The following PARD3B variants were observed in gnomAD, a reference collection of about 807,000 sequenced individuals.
PARD3B encodes the protein par-3 family cell polarity regulator beta, also known as partitioning defective 3 homolog B.
A neutral mutation model predicts 130.2 loss-of-function variants in PARD3B; 103 were observed. The ratio of observed to expected loss-of-function variants is 0.79; its 90% CI spans 0.67 to 0.93. The LOEUF is 0.93. PARD3B is among the 40% of genes least tolerant of loss of function. PARD3B has a pLI of 0.00. For missense variants in PARD3B, 1,609 were observed against 1,499.2 expected (o/e 1.07, Z -1.21); for synonymous variants, 583 against 553.2 (o/e 1.05, Z -0.76).
At chr2:205,419,868 A>T (rs1018868849) in intron 19 of PARD3B, among the ~76,000 whole-genome samples, 2 of 152,202 alleles carry the variant, frequency 1.3e-5, no homozygotes, top group Admixed American at 1.3e-4. Context: ...TTACAGGATG[A>T]AAACTGCAGT....
intron 1 of PARD3B, among the ~76,000 whole-genome samples, chr2:204,667,756 T>C (rs1406964997): frequency 2.6e-5 from 4 of 152,188 alleles, no homozygotes; most frequent in African/African-American, 9.6e-5. Context: ...AAGGCAGCGC[T>C]TTCATAGAAT....
intron 2 of PARD3B, among the ~76,000 whole-genome samples, chr2:204,812,782 G>A (rs928767255): frequency 2.0e-5 from 3 of 152,136 alleles, no homozygotes; most frequent in African/African-American, 7.2e-5. Flanking sequence ...TCAGCTTCAG[G>A]TGTTTTCTAT....
intron 21 of PARD3B, among the ~76,000 whole-genome samples, chr2:205,500,251 C>T (rs1461414139): frequency 6.6e-6 from 1 of 152,140 alleles, no homozygotes; most frequent in African/African-American, 2.4e-5. Flanking sequence ...TGATTGCTCT[C>T]ATACTTCCTG....
intron 20 of PARD3B, among the ~76,000 whole-genome samples, chr2:205,490,519 G>A (rs1199417366): frequency 1.3e-5 from 2 of 152,108 alleles, no homozygotes; most frequent in Non-Finnish European, 2.9e-5. Flanking sequence ...ATCATTGTTG[G>A]ACATTTGGCT....
chr2:204,660,813 AG>A (rs1408551555), intron 1 of PARD3B, among the ~76,000 whole-genome samples: 1 of 152,236 alleles, frequency 6.6e-6, no homozygotes, highest in Non-Finnish European at 1.5e-5. Flanking sequence ...TAATTCCTAA[AG>A]AAAGGTGCTA....
chr2:205,057,779 G>T (rs1377488196), intron 4 of PARD3B, among the ~76,000 whole-genome samples: 1 of 150,756 alleles, frequency 6.6e-6, no homozygotes, highest in Non-Finnish European at 1.5e-5. Context: ...ACACGTGTGT[G>T]TGTGTTTGTG....
chr2:204,748,371 C>A (rs1019228283), intron 2 of PARD3B, among the ~76,000 whole-genome samples: 4 of 152,098 alleles, frequency 2.6e-5, no homozygotes, highest in Non-Finnish European at 4.4e-5. Context: ...GATTAGGGCT[C>A]ATATCCAGAA....
At chr2:205,201,794 G>A (rs940431970) in intron 15 of PARD3B, among the ~76,000 whole-genome samples, 5 of 152,172 alleles carry the variant, frequency 3.3e-5, no homozygotes, top group Non-Finnish European at 5.9e-5. Flanking sequence ...CGGAGATCAC[G>A]CCATTGCACT....
chr2:205,615,736 C>G lies in PARD3B; in HGVS notation c.3541C>G (p.Arg1181Gly). ...AYQETGRPGPRGGSPDQYPYR... is the reference protein window; with the variant it reads ...AYQETGRPGPGGGSPDQYPYR... ...TCAGGAAACAGGCAGACCAGGGCCC[C>G]GTGGGGGCAGCCCAGACCAGTACCC... The change falls in exon 23 of 23, where the codon CGT (arginine) becomes GGT (glycine). Residue 1181 changes from arginine to glycine, a missense_variant. Coordinates refer to ENST00000406610, the MANE Select transcript of PARD3B (RefSeq NM_001302769.2). 6.2e-7 allele frequency: 1 copy of G among 1,614,100 alleles called. No homozygotes were observed. Among genetic ancestry groups the G allele is most frequent in the Non-Finnish European group, 8.5e-7 (1 of 1,179,998 alleles).
chr2:204,725,860 C>A (rs923193789), intron 2 of PARD3B, among the ~76,000 whole-genome samples: 37 of 152,156 alleles, frequency 2.4e-4, no homozygotes, highest in African/African-American at 8.7e-4. Context: ...TGATATGATT[C>A]CTACCAATGT....
chr2:205,306,959 T>A (rs972812825), intron 18 of PARD3B, among the ~76,000 whole-genome samples: 2 of 152,246 alleles, frequency 1.3e-5, no homozygotes, highest in Non-Finnish European at 2.9e-5. Flanking sequence ...GTTTTAAGTA[T>A]GTATTATTTT....
chr2:205,242,026 A>G (rs1404578824), intron 15 of PARD3B, among the ~76,000 whole-genome samples: 1 of 152,192 alleles, frequency 6.6e-6, no homozygotes, highest in East Asian at 1.9e-4. Flanking sequence ...TCCCAGCACT[A>G]AGCATGTGTA....
At chr2:205,598,422 T>A (rs967918909) in intron 22 of PARD3B, among the ~76,000 whole-genome samples, 2 of 150,746 alleles carry the variant, frequency 1.3e-5, no homozygotes, top group Admixed American at 1.3e-4. Flanking sequence ...CACTTAACTA[T>A]CTTAAATACA....
In PARD3B at chr2:205,265,909, A is replaced by G. The variant is rs986187268; in HGVS notation, c.2185+20087A>G. ...ATCATTTTAGTACTTCATCTGTGAT[A>G]TAAAACATAAATCTTGAGAGAAGGG... On this transcript the variant is annotated intron_variant, in intron 16 of 22. Transcript: ENST00000406610. This position sits in a 1 kb window ranked among gnomAD's most constrained non-coding sequence, Gnocchi z 4.3. 6.6e-6 allele frequency among the ~76,000 whole-genome samples: 1 copy of G among 152,074 alleles called. No homozygotes were observed. The highest frequency in any genetic ancestry group is 1.5e-5 in the Non-Finnish European group (1 of 67,944).
At chr2:204,659,519 G>T (rs1260861233) in intron 1 of PARD3B, among the ~76,000 whole-genome samples, 1 of 152,108 alleles carries the variant, frequency 6.6e-6, no homozygotes, top group African/African-American at 2.4e-5. Context: ...TGTGAGTTGT[G>T]TATATAGCAT....
rs1230848410 is a variant in PARD3B, at chr2:204,546,005, A to C, written c.6A>C (p.Lys2Asn). The C allele has an allele frequency of 6.4e-7, 1 of 1,566,746 alleles. No individual in the cohort carries two copies. The change falls in exon 1 of 23, where the codon AAA becomes AAC. Residue 2 changes from lysine to asparagine, a missense_variant. Transcript: ENST00000406610. ...CGTGGTCGCCGGGGGCCAGGATGAA[A>C]GTGACCGTGTGCTTCGGCAGGACGG... M[K>N]VTVCFGRTGI...
rs912157809 is a variant in PARD3B, at chr2:204,799,473, C to G, written c.222+113191C>G. ...ATTACCCTGACGGGGACACAAGCCT[C>G]TCTGGGTTTCCCATCTGCTCACTGA... On this transcript the variant is annotated intron_variant, in intron 2 of 22. Transcript: ENST00000406610. The surrounding 1 kb of genome is among the most constrained non-coding windows in gnomAD (Gnocchi z 4.1). Among the ~76,000 whole-genome samples, 2 of 152,202 alleles carry G rather than the reference C, an allele frequency of 1.3e-5. No individual in the cohort carries two copies. The highest frequency in any genetic ancestry group is 4.8e-5 in the African/African-American group (2 of 41,446).
chr2:204,576,851 C>G (rs777300480), intron 1 of PARD3B, among the ~76,000 whole-genome samples: 1 of 152,122 alleles, frequency 6.6e-6, no homozygotes, highest in Non-Finnish European at 1.5e-5. Context: ...ATCATAACAA[C>G]AATATGGAAT....
intron 2 of PARD3B, among the ~76,000 whole-genome samples, chr2:204,782,443 C>G (rs959336303): frequency 4.6e-5 from 7 of 150,778 alleles, no homozygotes; most frequent in African/African-American, 1.7e-4. Flanking sequence ...ACACATTACA[C>G]ATAAGTATTA....
Sources: gnomAD v4.1 joint callset for allele counts (sites outside exome capture counted in the v4.1 genomes callset) on GRCh38, gnomAD v4.1.1 for gene constraint, Gnocchi (gnomAD v3.1) non-coding constraint, MANE v1.5 for transcripts, NCBI Gene and HGNC (gene_info 2026-07-23, HGNC 2026-07-21) for gene names.